Variants in CNTN5 observed in about 807,000 individuals in gnomAD.
CNTN5 encodes contactin 5, also known as contactin-5.
A neutral mutation model predicts 129.1 loss-of-function variants in CNTN5; 77 were observed. The observed-to-expected ratio is 0.60, with a 90% CI of 0.50 to 0.72. The LOEUF is 0.72. Among genes scored for constraint, CNTN5 ranks in the 30% least tolerant of loss-of-function variants. The pLI is 0.00. For missense variants in CNTN5, 1,478 were observed against 1,328.8 expected (o/e 1.11, Z -1.75); for synonymous variants, 509 against 465.6 (o/e 1.09, Z -1.20).
intron 21 of CNTN5, among the ~76,000 whole-genome samples, chr11:100,311,010 T>C (rs1384781169): frequency 6.6e-6 from 1 of 151,782 alleles, no homozygotes; most frequent in African/African-American, 2.4e-5. Flanking sequence ...TCATAAAGTA[T>C]TTCAAACTGG....
intron 13 of CNTN5, among the ~76,000 whole-genome samples, chr11:100,134,894 G>A (rs1034456626): frequency 1.3e-5 from 2 of 152,028 alleles, no homozygotes; most frequent in Non-Finnish European, 2.9e-5. Flanking sequence ...TGAGGACATT[G>A]CAATTATTTG....
At chr11:99,118,898 T>C (rs897716876) in intron 1 of CNTN5, among the ~76,000 whole-genome samples, 6 of 151,902 alleles carry the variant, frequency 3.9e-5, no homozygotes, top group Non-Finnish European at 8.8e-5. Context: ...AGGTATACCA[T>C]AATTATACCT....
intron 2 of CNTN5, among the ~76,000 whole-genome samples, chr11:99,353,942 T>C (rs1038862857): frequency 3.3e-5 from 5 of 152,226 alleles, no homozygotes; most frequent in African/African-American, 1.2e-4. Flanking sequence ...CCTCAGTTGC[T>C]TGGTTGATTT....
intron 3 of CNTN5, among the ~76,000 whole-genome samples, chr11:99,680,755 C>T (rs915008382): frequency 4.6e-5 from 7 of 151,668 alleles, no homozygotes; most frequent in East Asian, 1.9e-4. Context: ...GAAGAATCAC[C>T]GGCTGTAGCT....
At chr11:100,229,110 CAG>C (rs1329602410) in intron 16 of CNTN5, among the ~76,000 whole-genome samples, 6 of 152,028 alleles carry the variant, frequency 3.9e-5, no homozygotes, top group East Asian at 3.9e-4. Context: ...TGTTAGCAAA[CAG>C]AGGGGGCAAA....
intron 9 of CNTN5, among the ~76,000 whole-genome samples, chr11:100,040,387 G>A (rs907244600): frequency 3.9e-5 from 6 of 152,186 alleles, no homozygotes; most frequent in Non-Finnish European, 8.8e-5. Context: ...CTACTTGGGG[G>A]TGCCTCCCAG....
At chr11:99,064,322 C>G (rs912946433) in intron 1 of CNTN5, among the ~76,000 whole-genome samples, 2 of 152,170 alleles carry the variant, frequency 1.3e-5, no homozygotes, top group African/African-American at 4.8e-5. Context: ...CCAATTCATT[C>G]TGTGTACACA....
intron 3 of CNTN5, among the ~76,000 whole-genome samples, chr11:99,632,726 TA>T (rs1951407117): frequency 1.3e-5 from 2 of 152,196 alleles, no homozygotes; most frequent in Non-Finnish European, 2.9e-5. Flanking sequence ...CAGTAATTTT[TA>T]ATGTTCCCAT....
intron 3 of CNTN5, among the ~76,000 whole-genome samples, chr11:99,639,989 T>C (rs1951712758): frequency 6.6e-6 from 1 of 152,186 alleles, no homozygotes; most frequent in Non-Finnish European, 1.5e-5. Context: ...GTCTCTTTGC[T>C]AAAATGTTAC....
At chr11:99,878,104 G>A (rs1010120370) in intron 6 of CNTN5, among the ~76,000 whole-genome samples, 3 of 152,258 alleles carry the variant, frequency 2.0e-5, no homozygotes, top group Non-Finnish European at 4.4e-5. Context: ...GATGGCATCT[G>A]GAATTGTAGA....
chr11:99,525,795 C>A (rs2135453124), intron 2 of CNTN5, among the ~76,000 whole-genome samples: 1 of 152,210 alleles, frequency 6.6e-6, no homozygotes, highest in Admixed American at 6.5e-5. Flanking sequence ...AATGACTGAC[C>A]TGGTATTTTT....
chr11:99,997,919 A>G (rs898944327), intron 8 of CNTN5, among the ~76,000 whole-genome samples: 2 of 152,208 alleles, frequency 1.3e-5, no homozygotes, highest in Non-Finnish European at 2.9e-5. Flanking sequence ...TGATTATCTC[A>G]ATAGATACAG....
Position 100,002,130 on chromosome 11 carries a change from T to C in CNTN5, c.974T>C (p.Leu325Pro). 1 of 1,557,526 alleles carries C rather than the reference T, an allele frequency of 6.4e-7. No individual in the cohort carries two copies. Among genetic ancestry groups the C allele is most frequent in the Non-Finnish European group, 8.6e-7 (1 of 1,158,246 alleles). ...GTTVKMECFALGNPVPTITWM... is the reference protein window; with the variant it reads ...GTTVKMECFAPGNPVPTITWM... ...ACTGTTAAGATGGAATGCTTTGCAC[T>C]TGGCAAGTAAGTACATGTTCTTCCA... Residue 325 changes from leucine (L) to proline (P), a missense_variant, in exon 9 of 25, where the codon CTT (leucine) becomes CCT (proline). Coordinates refer to ENST00000524871, the MANE Select transcript of CNTN5 (RefSeq NM_014361.4).
chr11:99,040,079 A>C (rs1043450432), intron 1 of CNTN5, among the ~76,000 whole-genome samples: 1 of 152,166 alleles, frequency 6.6e-6, no homozygotes, highest in Admixed American at 6.5e-5. Context: ...GCTCAGCAGC[A>C]GATGAATGGC....
At position 99,573,300 on chromosome 11, in the gene CNTN5, G is replaced by A. The variant is rs371985006; in HGVS notation, c.55+17031G>A. On this transcript the variant is annotated intron_variant, in intron 3 of 24. Transcript: ENST00000524871. ...TTTAAATAGTTCCTGGCCGGGTGCA[G>A]TGGCTCACGCCTGTAATCCCAGCAC... Among the ~76,000 whole-genome samples, 6 of 152,204 alleles carry A rather than the reference G, an allele frequency of 3.9e-5. No homozygotes were observed. The East Asian group carries it at 7.8e-4, about 20-fold the overall frequency.
At chr11:99,468,733 T>A (rs34761401) in intron 2 of CNTN5, among the ~76,000 whole-genome samples, 2 of 112,214 alleles carry the variant, frequency 1.8e-5, no homozygotes, top group African/African-American at 7.4e-5. Context: ...TGTTAGAAAC[T>A]TTTTTTTTTT....
At chr11:99,889,529 C>CTTTTT (rs59095048) in intron 6 of CNTN5, among the ~76,000 whole-genome samples, 2 of 128,302 alleles carry the variant, frequency 1.6e-5, no homozygotes, top group Admixed American at 7.9e-5. Flanking sequence ...ACTAGACATT[C>CTTTTT]TTTTTTTTTT....
intron 1 of CNTN5, among the ~76,000 whole-genome samples, chr11:99,174,372 A>G (rs1214796094): frequency 6.6e-6 from 1 of 152,122 alleles, no homozygotes; most frequent in African/African-American, 2.4e-5. Context: ...TGGTTATATC[A>G]TTAGCAAGAT....
intron 8 of CNTN5, among the ~76,000 whole-genome samples, chr11:100,001,441 G>A (rs905664885): frequency 1.3e-5 from 2 of 152,200 alleles, no homozygotes; most frequent in East Asian, 1.9e-4. Flanking sequence ...AAACCATATT[G>A]GTGCATAATA....
Sources: allele counts gnomAD v4.1 joint callset (sites outside exome capture counted in the v4.1 genomes callset), GRCh38; gene constraint gnomAD v4.1.1; transcripts MANE v1.5; gene names NCBI Gene and HGNC (gene_info 2026-07-23, HGNC 2026-07-21).